BMPER: variants seen among roughly 807,000 people sequenced by gnomAD.
The protein encoded by BMPER is BMP-binding endothelial regulator protein.
In BMPER, 45 loss-of-function variants were observed where a neutral mutation model predicts 87.3. That is an observed-to-expected ratio of 0.52 (90% CI 0.41 to 0.66). The LOEUF is 0.66. BMPER is among the 30% of genes least tolerant of loss of function. The probability of loss-of-function intolerance (pLI) is 0.00; values close to 1 mark genes in which losing one functional copy is unlikely to be tolerated. For synonymous variants in BMPER, 326 were observed against 316.2 expected (o/e 1.03, Z -0.33); for missense variants, 784 against 867.5 (o/e 0.90, Z 1.21).
chr7:33,905,634 C>A lies in BMPER; in HGVS notation c.21C>A (p.Val7=). 2 of 1,613,080 alleles carry A rather than the reference C, an allele frequency of 1.2e-6. No homozygotes were observed. The highest frequency in any genetic ancestry group is 1.7e-6 in the Non-Finnish European group (2 of 1,179,926). MLWFSG[V]GALAERYCRR... is the part of the protein sequence containing the mutation. ...TGACGATGCTCTGGTTCTCCGGCGTCGGGGCTCTGGCTGAGCGTTACTGCC... is the reference window on the plus strand; with the variant it reads ...TGACGATGCTCTGGTTCTCCGGCGTAGGGGCTCTGGCTGAGCGTTACTGCC... The change falls in exon 1 of 15, where the codon GTC becomes GTA. Residue 7 remains valine, a synonymous_variant. Coordinates refer to ENST00000649409, the MANE Select transcript of BMPER (RefSeq NM_001365308.1).
chr7:33,939,045 A>T (rs891049637), intron 3 of BMPER, among the ~76,000 whole-genome samples: 4 of 152,118 alleles, frequency 2.6e-5, no homozygotes, highest in Non-Finnish European at 1.5e-5. Flanking sequence ...ACAAAAAAAA[A>T]GACAAAAAAC....
chr7:33,982,690 G>A (rs963632446), intron 6 of BMPER, among the ~76,000 whole-genome samples: 2 of 152,044 alleles, frequency 1.3e-5, no homozygotes, highest in Admixed American at 1.3e-4. Context: ...GGCTTCTAGC[G>A]GAAGGTCTAT....
At chr7:34,002,835 C>G (rs951101025) in intron 6 of BMPER, among the ~76,000 whole-genome samples, 6 of 151,698 alleles carry the variant, frequency 4.0e-5, no homozygotes, top group African/African-American at 1.4e-4. Flanking sequence ...CTACTGCTCT[C>G]TTTCAGTTAC....
intron 8 of BMPER, among the ~76,000 whole-genome samples, chr7:34,054,295 CA>C (rs1341626079): frequency 6.6e-6 from 1 of 152,196 alleles, no homozygotes; most frequent in Non-Finnish European, 1.5e-5. Context: ...CACACATACA[CA>C]CACATACACA....
intron 6 of BMPER, among the ~76,000 whole-genome samples, chr7:33,989,078 G>A (rs1462292339): frequency 3.0e-5 from 4 of 132,470 alleles, no homozygotes; most frequent in South Asian, 2.6e-4. Context: ...ATAAACATAC[G>A]TGTGCATGTG....
At chr7:33,934,285 A>C (rs555636402) in intron 2 of BMPER, among the ~76,000 whole-genome samples, 18 of 152,302 alleles carry the variant, frequency 1.2e-4, no homozygotes, top group Admixed American at 9.8e-4. Flanking sequence ...GAAATGGAGG[A>C]ATCAGGCTCT....
intron 6 of BMPER, among the ~76,000 whole-genome samples, chr7:34,032,874 G>A (rs752352809): frequency 2.6e-5 from 4 of 152,022 alleles, no homozygotes; most frequent in Non-Finnish European, 4.4e-5. Flanking sequence ...TAGAGAGTGG[G>A]CCACTTTTCA....
At chr7:33,905,473 G>T, upstream of BMPER, 1 of 374,870 alleles carries the variant, frequency 2.7e-6, no homozygotes, top group Non-Finnish European at 3.6e-6. Flanking sequence ...CCGCCCCCCA[G>T]CTCTCGGGCG....
intron 13 of BMPER, among the ~76,000 whole-genome samples, chr7:34,096,420 G>C (rs749595874): frequency 6.6e-6 from 1 of 152,126 alleles, no homozygotes; most frequent in Non-Finnish European, 1.5e-5. Context: ...AGCTGTGCTG[G>C]GTTTGACGGC....
At chr7:33,985,354 A>G (rs1249299638) in intron 6 of BMPER, among the ~76,000 whole-genome samples, 2 of 152,230 alleles carry the variant, frequency 1.3e-5, no homozygotes, top group African/African-American at 4.8e-5. Flanking sequence ...AAAGTTGAGA[A>G]TACTTTTAAA....
At chr7:34,140,244 CTG>C (rs1215892642) in intron 13 of BMPER, among the ~76,000 whole-genome samples, 1 of 152,208 alleles carries the variant, frequency 6.6e-6, no homozygotes, top group Non-Finnish European at 1.5e-5. Flanking sequence ...GAAAAACACT[CTG>C]TGTAAAAGCT....
intron 12 of BMPER, among the ~76,000 whole-genome samples, chr7:34,081,312 T>TA (rs890419410): frequency 5.3e-5 from 8 of 151,978 alleles, no homozygotes; most frequent in Non-Finnish European, 1.2e-4. Context: ...TCCATAGATT[T>TA]AAAAAAAAAT....
At chr7:33,953,454 A>G (rs1284448599) in intron 3 of BMPER, among the ~76,000 whole-genome samples, 1 of 152,112 alleles carries the variant, frequency 6.6e-6, no homozygotes. Context: ...TTCTTTCAGA[A>G]CCTTTGTTTT....
intron 6 of BMPER, among the ~76,000 whole-genome samples, chr7:34,012,435 A>T (rs1451813174): frequency 6.6e-6 from 1 of 151,888 alleles, no homozygotes; most frequent in African/African-American, 2.4e-5. Flanking sequence ...AAGGAAACTG[A>T]CTCACTTTTC....
At chr7:34,070,700 A>G (rs978253565) in intron 11 of BMPER, among the ~76,000 whole-genome samples, 2 of 152,192 alleles carry the variant, frequency 1.3e-5, no homozygotes, top group African/African-American at 2.4e-5. Flanking sequence ...TGCTGGGTCA[A>G]GTAAACTTAA....
intron 13 of BMPER, among the ~76,000 whole-genome samples, chr7:34,100,072 C>T (rs1789639176): frequency 6.6e-6 from 1 of 152,084 alleles, no homozygotes; most frequent in Admixed American, 6.5e-5. Flanking sequence ...CTCTCTTCAA[C>T]TGTTATATAA....
Position 33,906,803 on chromosome 7 carries a change from C to G in BMPER, c.134-15C>G. 1.9e-6 allele frequency: 3 copies of G among 1,604,840 alleles called. No homozygotes were observed. The highest frequency in any genetic ancestry group is 2.6e-6 in the Non-Finnish European group (3 of 1,171,922). ...GCTAACTTTAAATGAAACATTTTTC[C>G]CCCCTGAATTTCAGGTTCTGTTGCA... is the stretch of plus-strand genomic sequence containing the variant. On this transcript the variant is annotated splice_polypyrimidine_tract_variant and intron_variant, in intron 1 of 14. Coordinates refer to ENST00000649409, the MANE Select transcript of BMPER (RefSeq NM_001365308.1).
chr7:33,919,949 A>ATCTATCTG (rs1784178349), intron 2 of BMPER, among the ~76,000 whole-genome samples: 2 of 152,080 alleles, frequency 1.3e-5, no homozygotes. Flanking sequence ...CTATCTATCT[A>ATCTATCTG]TCTATATGTA....
At chr7:33,956,583 C>A (rs756925019) in intron 3 of BMPER, among the ~76,000 whole-genome samples, 1 of 152,136 alleles carries the variant, frequency 6.6e-6, no homozygotes, top group Non-Finnish European at 1.5e-5. Context: ...TCTACCTCCT[C>A]CACTTTGTCC....
Sources: gnomAD v4.1 joint callset for allele counts (sites outside exome capture counted in the v4.1 genomes callset) on GRCh38, gnomAD v4.1.1 for gene constraint, MANE v1.5 for transcripts, NCBI Gene and HGNC (gene_info 2026-07-23, HGNC 2026-07-21) for gene names.